The following SSUH2 variants were observed in gnomAD, a reference collection of about 807,000 sequenced individuals.
The protein encoded by SSUH2 is protein SSUH2 homolog.
In SSUH2, 47 loss-of-function variants were observed where a neutral mutation model predicts 55.3. The ratio of observed to expected loss-of-function variants is 0.85; its 90% CI spans 0.67 to 1.08. The LOEUF is 1.08. SSUH2 is among the 50% of genes least tolerant of loss of function. The pLI is 0.00. For missense variants in SSUH2, 535 were observed against 490.7 expected, an observed-to-expected ratio of 1.09 and a Z score of -0.85; for synonymous variants, 212 against 191.5, an observed-to-expected ratio of 1.11 and a Z score of -0.89.
intron 6 of SSUH2, among the ~76,000 whole-genome samples, chr3:8,659,288 T>A (rs1290405483): frequency 6.6e-6 from 1 of 152,178 alleles, no homozygotes; most frequent in Non-Finnish European, 1.5e-5. Flanking sequence ...CCTCCTCTCT[T>A]CTTTTCTCGA....
In SSUH2 at chr3:8,626,224, C is replaced by T; in HGVS notation, c.767+5G>A. On this transcript the variant is annotated splice_donor_5th_base_variant and intron_variant, in intron 9 of 11. Coordinates refer to ENST00000544814, the MANE Select transcript of SSUH2 (RefSeq NM_001256748.3). Reference sequence around the variant, plus strand: ...ATGCCACAGCATTGAGACACTGCCACATACCACATGATGACAAGCTGGATG... The same window carrying T: ...ATGCCACAGCATTGAGACACTGCCATATACCACATGATGACAAGCTGGATG... 1.2e-6 allele frequency: 2 copies of T among 1,613,232 alleles called. No homozygotes were observed. Among genetic ancestry groups the T allele is most frequent in the Non-Finnish European group, 1.7e-6 (2 of 1,179,184 alleles).
At chr3:8,669,770 A>C (rs1704342325) in intron 5 of SSUH2, among the ~76,000 whole-genome samples, 1 of 152,132 alleles carries the variant, frequency 6.6e-6, no homozygotes, top group Non-Finnish European at 1.5e-5. Flanking sequence ...ACAAACCCAA[A>C]CTAAGGGACA....
intron 10 of SSUH2, 125 bp downstream of exon 10, chr3:8,625,417 G>A: frequency 3.2e-6 from 2 of 624,838 alleles, no homozygotes; most frequent in Non-Finnish European, 5.7e-6. Flanking sequence ...TGTCTGGGGA[G>A]CTCTGCTCCT....
chr3:8,623,527 T>A, intron 11 of SSUH2, 22 bp downstream of exon 11: 3 of 1,428,920 alleles, frequency 2.1e-6, no homozygotes, highest in Non-Finnish European at 2.9e-6. Context: ...CAGAGCCAGA[T>A]GGCCCCTCCG....
intron 5 of SSUH2, among the ~76,000 whole-genome samples, chr3:8,668,930 CAGAG>C (rs1704250300): frequency 7.8e-6 from 1 of 127,958 alleles, no homozygotes; most frequent in South Asian, 2.5e-4. Flanking sequence ...ATTGTGCATA[CAGAG>C]AGAGAAAGAG....
intron 7 of SSUH2, among the ~76,000 whole-genome samples, chr3:8,655,863 C>G (rs1361503818): frequency 4.7e-4 from 72 of 152,302 alleles, no homozygotes; most frequent in Non-Finnish European, 5.9e-5. Flanking sequence ...TTTCAAAACC[C>G]GCTCTGTTCT....
intron 11 of SSUH2, among the ~76,000 whole-genome samples, chr3:8,621,506 G>C (rs902841262): frequency 2.6e-5 from 4 of 152,186 alleles, no homozygotes; most frequent in Admixed American, 6.5e-5. Flanking sequence ...TGTCAGAGGA[G>C]AGGCCAGGGG....
In SSUH2 at chr3:8,629,713, C is replaced by A; in HGVS notation, c.539G>T (p.Cys180Phe). Residue 180 changes from cysteine to phenylalanine, a missense_variant, in exon 7 of 12, where the codon TGC becomes TTC. By Grantham distance (205) the Cys-to-Phe change is radical. Transcript: ENST00000544814. ...GCACTTGTACCGCCCACGCCCATGG[C>A]ATTTGTGGCATTCCTGAAAGTGCAA... is the stretch of plus-strand genomic sequence containing the variant. Reference protein sequence around the residue: ...HSSLVKECHKCHGRGRYKCSG... With the variant: ...HSSLVKECHKFHGRGRYKCSG... The A allele has an allele frequency of 3.7e-6, 6 of 1,614,226 alleles. No homozygotes were observed. Among genetic ancestry groups the A allele is most frequent in the Non-Finnish European group, 5.1e-6 (6 of 1,180,038 alleles).
At chr3:8,668,815 C>A (rs1029105987) in intron 5 of SSUH2, among the ~76,000 whole-genome samples, 1 of 151,708 alleles carries the variant, frequency 6.6e-6, no homozygotes, top group Non-Finnish European at 1.5e-5. Context: ...TCTTTGTGAT[C>A]GAAAAAAAAG....
chr3:8,626,202 C>A (rs781463001), intron 9 of SSUH2, 27 bp downstream of exon 9: 3 of 1,594,258 alleles, frequency 1.9e-6, no homozygotes, highest in East Asian at 4.5e-5. Context: ...CCCCCGCATG[C>A]CACAGCATTG....
chr3:8,666,217 C>T (rs1437410201), intron 5 of SSUH2, among the ~76,000 whole-genome samples: 1 of 152,070 alleles, frequency 6.6e-6, no homozygotes, highest in African/African-American at 2.4e-5. Flanking sequence ...AAGAGCAAGA[C>T]CACCAAATCT....
intron 1 of SSUH2, among the ~76,000 whole-genome samples, chr3:8,638,324 G>C (rs775279528): frequency 8.5e-5 from 13 of 152,184 alleles, no homozygotes; most frequent in Admixed American, 2.6e-4. Flanking sequence ...CCCAAACTGG[G>C]AATGTCCTTG....
intron 3 of SSUH2, chr3:8,634,554 C>T: frequency 7.8e-7 from 1 of 1,289,788 alleles, no homozygotes; most frequent in South Asian, 1.2e-5. Flanking sequence ...CACAGAGGGG[C>T]CCGTCTGTCT....
At chr3:8,635,083 G>C (rs1699687485) in intron 3 of SSUH2, among the ~76,000 whole-genome samples, 1 of 152,216 alleles carries the variant, frequency 6.6e-6, no homozygotes, top group African/African-American at 2.4e-5. Context: ...CCCTGATCTA[G>C]ACTATGGTTT....
At chr3:8,622,974 G>T (rs1696743897) in intron 11 of SSUH2, among the ~76,000 whole-genome samples, 1 of 152,242 alleles carries the variant, frequency 6.6e-6, no homozygotes, top group Admixed American at 6.5e-5. Flanking sequence ...ACTTCATGCA[G>T]CTCCAGCAAA....
At chr3:8,642,464 C>G (rs1315175116) in intron 1 of SSUH2, among the ~76,000 whole-genome samples, 1 of 152,232 alleles carries the variant, frequency 6.6e-6, no homozygotes, top group Non-Finnish European at 1.5e-5. Flanking sequence ...GAATTTTGGA[C>G]AGTCTCGACT....
At position 8,629,855 on chromosome 3, in the gene SSUH2, T is replaced by C. The variant is rs1698411804; in HGVS notation, c.526-129A>G. ...ATAGGAAGATGGCACAGGAAAGAAA[T>C]GGCCCTTCCCATTTGACTAAGATTC... On this transcript the variant is annotated intron_variant, in intron 6 of 11. Coordinates refer to ENST00000544814, the MANE Select transcript of SSUH2 (RefSeq NM_001256748.3). 23 of 823,498 alleles carry C rather than the reference T, an allele frequency of 2.8e-5. No homozygotes were observed. The South Asian group carries it at 3.0e-4, about 11-fold the overall frequency. The allele number at this position is 823,498 out of a possible 1,614,324, so 51.0% of individuals were successfully genotyped here. A position where few individuals can be genotyped will look rare whatever the true frequency, so the allele number is the denominator to read the frequency against.
intron 1 of SSUH2, among the ~76,000 whole-genome samples, chr3:8,637,438 C>T (rs1700103411): frequency 6.6e-6 from 1 of 152,220 alleles, no homozygotes; most frequent in South Asian, 2.1e-4. Context: ...GAAACACCTT[C>T]CCACACATGT....
In SSUH2 at chr3:8,679,211, G is replaced by C. The variant is rs1705751514; in HGVS notation, c.-901+494C>G. 5.9e-5 allele frequency among the ~76,000 whole-genome samples: 3 copies of C among 50,652 alleles called. 1 individual carries two copies. The South Asian group carries it at 2.9e-3, about 49-fold the overall frequency. The allele number at this position is 50,652 out of a possible 152,430, so 33.2% of individuals were successfully genotyped here. ...GGCTCTTGGGACCCCCATCGCAGGGGGGATGGCACCCTCCGTGAGCGGGGA... is the reference window on the plus strand; with the variant it reads ...GGCTCTTGGGACCCCCATCGCAGGGCGGATGGCACCCTCCGTGAGCGGGGA... On this transcript the variant is annotated intron_variant, in intron 2 of 18. Transcript: ENST00000317371.
Sources: gnomAD v4.1 joint callset for allele counts (sites outside exome capture counted in the v4.1 genomes callset) on GRCh38, gnomAD v4.1.1 for gene constraint, MANE v1.5 for transcripts, NCBI Gene and HGNC (gene_info 2026-07-23, HGNC 2026-07-21) for gene names.